Variants in THBS1 observed in about 807,000 individuals in gnomAD.
THBS1 encodes thrombospondin-1.
A neutral mutation model predicts 126.1 loss-of-function variants in THBS1; 29 were observed. The observed-to-expected ratio is 0.23, with a 90% CI of 0.17 to 0.31. The LOEUF (loss-of-function observed/expected upper bound fraction) is 0.31, where lower values mean the gene tolerates loss of function less well. Among genes scored for constraint, THBS1 ranks in the 10% least tolerant of loss-of-function variants. The pLI is 1.00. For missense variants in THBS1, 1,198 were observed against 1,545.2 expected (o/e 0.78, Z 3.77); for synonymous variants, 496 against 577.8 (o/e 0.86, Z 2.03).
chr15:39,590,445 A>G (rs1890304462), intron 13 of THBS1, 71 bp from the exon 14 acceptor site: 1 of 1,195,756 alleles, frequency 8.4e-7, no homozygotes, highest in South Asian at 1.4e-5. Flanking sequence ...AATTCCAGGT[A>G]CACTCCCTCG....
At position 39,595,915 on chromosome 15, in the gene THBS1, A is replaced by T. The variant is rs923254463; in HGVS notation, c.*546A>T. 6.6e-6 allele frequency: 3 copies of T among 452,428 alleles called. No homozygotes were observed. The highest frequency in any genetic ancestry group is 1.3e-5 in the Non-Finnish European group (3 of 224,018). The allele number at this position is 452,428 out of a possible 1,614,324, so 28.0% of individuals were successfully genotyped here. The stretch of plus-strand genomic sequence containing the variant: ...TTCGGTACTAAGTCATTTTCAGGGG[A>T]TTGAAAGACTATTGCTGGATTTCAT... On this transcript the variant is annotated 3_prime_UTR_variant, in exon 22 of 22. Transcript: ENST00000260356.
In THBS1 at chr15:39,592,765, C is replaced by G; in HGVS notation, c.2730C>G (p.Cys910Trp). Residue 910 changes from cysteine to tryptophan, a missense_variant, in exon 17 of 22, where the codon TGC becomes TGG. By Grantham distance (215) the Cys-to-Trp change is radical. Coordinates refer to ENST00000260356, the MANE Select transcript of THBS1 (RefSeq NM_003246.4). This position sits in a 1 kb window ranked among gnomAD's most constrained non-coding sequence, Gnocchi z 4.3. ...GCATTCCTGATGACAAGGACAACTG[C>G]AGACTCGTGCCCAATCCCGACCAGA... Reference protein sequence around the residue: ...NDGIPDDKDNCRLVPNPDQKD... With the variant: ...NDGIPDDKDNWRLVPNPDQKD... 6.2e-7 allele frequency: 1 copy of G among 1,614,108 alleles called. No homozygotes were observed. Among genetic ancestry groups the G allele is most frequent in the Non-Finnish European group, 8.5e-7 (1 of 1,179,986 alleles).
chr15:39,589,412 A>C lies in THBS1; in HGVS notation c.1926+58A>C. 1 of 1,590,690 alleles carries C rather than the reference A, an allele frequency of 6.3e-7. No individual in the cohort carries two copies. The highest frequency in any genetic ancestry group is 8.6e-7 in the Non-Finnish European group (1 of 1,166,452). On this transcript the variant is annotated intron_variant, in intron 12 of 21. Coordinates refer to ENST00000260356, the MANE Select transcript of THBS1 (RefSeq NM_003246.4). This position sits in a 1 kb window ranked among gnomAD's most constrained non-coding sequence, Gnocchi z 4.7. ...AGGAGAGCTGTCCTTGACCAAAATA[A>C]CTGGGAGCGGGAGGAATGTAATTTC...
Position 39,594,288 on chromosome 15 carries a change from T to A in THBS1, c.3366-13T>A. On this transcript the variant is annotated splice_polypyrimidine_tract_variant and intron_variant, in intron 20 of 21. Coordinates refer to ENST00000260356, the MANE Select transcript of THBS1 (RefSeq NM_003246.4). This position sits in a 1 kb window ranked among gnomAD's most constrained non-coding sequence, Gnocchi z 4.4. ...ATAGCATTGTCACTAAACAAGATTTTTTTTCCCTGCAGAGTGGTGATGTAT... is the reference window on the plus strand; with the variant it reads ...ATAGCATTGTCACTAAACAAGATTTATTTTCCCTGCAGAGTGGTGATGTAT... 1 of 1,614,014 alleles carries A rather than the reference T, an allele frequency of 6.2e-7. No homozygotes were observed. The highest frequency in any genetic ancestry group is 8.5e-7 in the Non-Finnish European group (1 of 1,179,992).
In THBS1 at chr15:39,584,422, G is replaced by T; in HGVS notation, c.1026G>T (p.Gln342His). The T allele has an allele frequency of 3.7e-6, 6 of 1,614,102 alleles. No individual in the cohort carries two copies. Among genetic ancestry groups the T allele is most frequent in the Non-Finnish European group, 5.1e-6 (6 of 1,180,020 alleles). The change falls in exon 6 of 22, where the codon CAG becomes CAT. Residue 342 changes from glutamine (Q) to histidine (H), a missense_variant and splice_region_variant. Coordinates refer to ENST00000260356, the MANE Select transcript of THBS1 (RefSeq NM_003246.4). ...ATAGCTGCACTGAGTGTCACTGTCA[G>T]GTAAGGGACCTTCACCAGCCAGAAT... ...TVDSCTECHC[Q>H]NSVTICKKVS...
intron 6 of THBS1, 63 bp downstream of exon 6, chr15:39,584,485 G>T (rs1342436764): frequency 1.3e-6 from 2 of 1,597,620 alleles, no homozygotes; most frequent in East Asian, 4.5e-5. Flanking sequence ...ACATCTTTGG[G>T]GAAATACCCT....
rs1566837906 is a variant in THBS1 at position 39,581,667 on chromosome 15, T to TCTCTCTCTCTCTCTCTCTCC, written c.-29-161_-29-160insTCTCTCTCTCTCTCTCTCCC. The TCTCTCTCTCTCTCTCTCTCC allele has an allele frequency of 1.5e-5, 8 of 521,286 alleles. No individual in the cohort carries two copies. The African/African-American group carries it at 1.5e-4, about 10-fold the overall frequency. 32.3% of individuals were successfully genotyped at this position (521,286 alleles called of 1,614,324 possible). A position where few individuals can be genotyped will look rare whatever the true frequency, so the allele number is the denominator to read the frequency against. ...CTCTCTCTCTCTCTCTCTCTCTCTC[T>TCTCTCTCTCTCTCTCTCTCC]CATGCTCTCTGGAAAGTAATCCTGT... is the stretch of plus-strand genomic sequence containing the variant. On this transcript the variant is annotated intron_variant, in intron 1 of 21. Coordinates refer to ENST00000260356, the MANE Select transcript of THBS1 (RefSeq NM_003246.4).
At position 39,584,020 on chromosome 15, in the gene THBS1, G is replaced by T; in HGVS notation, c.736G>T (p.Val246Leu). The change falls in exon 5 of 22, where the codon GTG becomes TTG. Residue 246 changes from valine to leucine, a missense_variant. Physicochemically the swap from Val to Leu is conservative, Grantham distance 32. Transcript: ENST00000260356. The stretch of plus-strand genomic sequence containing the variant: ...TGTCCTCCTCACCCTTGACAACAAC[G>T]TGGTGAATGGTTCCAGCCCTGCCAT... ...TSVLLTLDNNVVNGSSPAIRT... is the reference protein window; with the variant it reads ...TSVLLTLDNNLVNGSSPAIRT... The T allele has an allele frequency of 6.2e-7, 1 of 1,614,166 alleles. No individual in the cohort carries two copies. Among genetic ancestry groups the T allele is most frequent in the African/African-American group, 1.3e-5 (1 of 75,034 alleles).
At chr15:39,583,958 A>G in intron 4 of THBS1, 30 bp from the exon 5 acceptor site, 3 of 1,612,510 alleles carry the variant, frequency 1.9e-6, no homozygotes, top group South Asian at 2.2e-5. Flanking sequence ...AAGAGTATCT[A>G]TTTGAAGTTT....
intron 3 of THBS1, 43 bp downstream of exon 3, chr15:39,582,795 T>C (rs1394226001): frequency 2.6e-6 from 4 of 1,550,268 alleles, no homozygotes; most frequent in Non-Finnish European, 3.5e-6. Context: ...GATCATCTGC[T>C]AGACAGGTGA....
rs764233037 is a variant in THBS1 at position 39,583,992 on chromosome 15, C to G, written c.708C>G (p.Thr236=). ...ILRNKGCSSS[T]SVLLTLDNNV... is the part of the protein sequence containing the mutation. Reference sequence around the variant, plus strand: ...TTTCATTTTGTTTCTTGCCAGCTACCAGTGTCCTCCTCACCCTTGACAACA... The same window carrying G: ...TTTCATTTTGTTTCTTGCCAGCTACGAGTGTCCTCCTCACCCTTGACAACA... The change falls in exon 5 of 22, where the codon ACC becomes ACG. Residue 236 remains threonine (T), a synonymous_variant. Coordinates refer to ENST00000260356, the MANE Select transcript of THBS1 (RefSeq NM_003246.4). The G allele has an allele frequency of 1.2e-6, 2 of 1,614,170 alleles. No individual in the cohort carries two copies. The highest frequency in any genetic ancestry group is 1.6e-4 in the Middle Eastern group (1 of 6,062).
At chr15:39,581,637 C>CA in intron 1 of THBS1, 192 bp from the exon 2 acceptor site, 1 of 410,822 alleles carries the variant, frequency 2.4e-6, no homozygotes, top group South Asian at 4.1e-5. Context: ...CTCTTTCCTC[C>CA]ACCTCTCTCT....
chr15:39,584,901 C>T (rs937653671), intron 6 of THBS1, among the ~76,000 whole-genome samples: 12 of 152,186 alleles, frequency 7.9e-5, no homozygotes, highest in African/African-American at 2.7e-4. Flanking sequence ...CTAGCATCCC[C>T]GCATGCCAGT....
intron 8 of THBS1, among the ~76,000 whole-genome samples, chr15:39,587,762 C>A (rs1041422269): frequency 3.3e-5 from 5 of 152,188 alleles, no homozygotes; most frequent in Non-Finnish European, 7.3e-5. Context: ...TTAGATACTG[C>A]ATGTAAAGCA....
At position 39,584,055 on chromosome 15, in the gene THBS1, C is replaced by G. The variant is rs138951821; in HGVS notation, c.771C>G (p.Asn257Lys). ...VNGSSPAIRT[N>K]YIGHKTKDLQ... is the part of the protein sequence containing the mutation. Reference sequence around the variant, plus strand: ...GTTCCAGCCCTGCCATCCGCACTAACTACATTGGCCACAAGACAAAGGACT... The same window carrying G: ...GTTCCAGCCCTGCCATCCGCACTAAGTACATTGGCCACAAGACAAAGGACT... Residue 257 changes from asparagine to lysine, a missense_variant, in exon 5 of 22, where the codon AAC becomes AAG. Around this residue, in one of 4 missense-constraint regions of THBS1, gnomAD observed 663 missense variants for 860.1 expected, o/e 0.77. Transcript: ENST00000260356. 3.2e-5 allele frequency: 51 copies of G among 1,614,124 alleles called. 1 individual carries two copies. The highest frequency in any genetic ancestry group is 3.8e-5 in the Non-Finnish European group (45 of 1,180,058).
chr15:39,590,454 C>A, intron 13 of THBS1, 62 bp from the exon 14 acceptor site: 1 of 1,313,138 alleles, frequency 7.6e-7, no homozygotes, highest in Non-Finnish European at 1.1e-6. Flanking sequence ...TACACTCCCT[C>A]GTGCATGAGC....
Position 39,588,641 on chromosome 15 carries a change from G to T in THBS1, c.1587G>T (p.Lys529Asn). Residue 529 changes from lysine to asparagine, a missense_variant, in exon 10 of 22, where the codon AAG becomes AAT. Around this residue, in one of 4 missense-constraint regions of THBS1, gnomAD observed 663 missense variants for 860.1 expected, o/e 0.77. Transcript: ENST00000260356. ...CNNPTPQFGG[K>N]DCVGDVTENQ... ...ACCCCACACCCCAGTTTGGAGGCAA[G>T]GACTGCGTTGGTGATGTAACAGAAA... 1 of 1,609,106 alleles carries T rather than the reference G, an allele frequency of 6.2e-7. No individual in the cohort carries two copies. The highest frequency in any genetic ancestry group is 8.5e-7 in the Non-Finnish European group (1 of 1,178,216).
intron 16 of THBS1, 65 bp downstream of exon 16, chr15:39,591,688 T>C: frequency 6.9e-7 from 1 of 1,444,344 alleles, no homozygotes; most frequent in South Asian, 1.2e-5. Context: ...TCATGGCCTT[T>C]GAAAAATGAG....
rs1396883876 is a variant in THBS1 at position 39,589,960 on chromosome 15, C to A, written c.2082C>A (p.Asp694Glu). 6.2e-7 allele frequency: 1 copy of A among 1,613,950 alleles called. No homozygotes were observed. Among genetic ancestry groups the A allele is most frequent in the East Asian group, 2.2e-5 (1 of 44,878 alleles). Residue 694 changes from aspartate (D) to glutamate (E), a missense_variant, in exon 13 of 22, where the codon GAC (aspartate) becomes GAA (glutamate). Asp to Glu is a conservative substitution (Grantham distance 45). Coordinates refer to ENST00000260356, the MANE Select transcript of THBS1 (RefSeq NM_003246.4). This position sits in a 1 kb window ranked among gnomAD's most constrained non-coding sequence, Gnocchi z 4.7. ...GNGIICGEDT[D>E]LDGWPNENLV... ...GCATCATCTGCGGGGAGGACACAGA[C>A]CTGGATGGCTGGCCCAATGAGAACC...
Sources: allele counts gnomAD v4.1 joint callset (sites outside exome capture counted in the v4.1 genomes callset), GRCh38; gene constraint gnomAD v4.1.1; regional missense constraint gnomAD v4.1.1; non-coding constraint Gnocchi (gnomAD v3.1); transcripts MANE v1.5; gene names NCBI Gene and HGNC (gene_info 2026-07-23, HGNC 2026-07-21).